Variants in TGFBR3 observed in about 807,000 individuals in gnomAD.
TGFBR3 encodes the protein transforming growth factor beta receptor type 3.
In TGFBR3, 46 loss-of-function variants were observed where a neutral mutation model predicts 87.9. The ratio of observed to expected loss-of-function variants is 0.52; its 90% confidence interval spans 0.41 to 0.67. The LOEUF is 0.67. Among genes scored for constraint, TGFBR3 ranks in the 30% least tolerant of loss-of-function variants. TGFBR3 has a pLI of 0.00. For synonymous variants in TGFBR3, 381 were observed against 391.6 expected, an observed-to-expected ratio of 0.97 and a Z score of 0.32; for missense variants, 866 against 1,041.9, an observed-to-expected ratio of 0.83 and a Z score of 2.32.
chr1:91,738,029 G>T (rs939075901), intron 4 of TGFBR3, among the ~76,000 whole-genome samples: 5 of 152,148 alleles, frequency 3.3e-5, no homozygotes, highest in African/African-American at 1.2e-4. Context: ...TCAGTTGAAG[G>T]CCTGAATAGA....
At chr1:91,790,257 C>T (rs1385408034) in intron 3 of TGFBR3, among the ~76,000 whole-genome samples, 1 of 152,208 alleles carries the variant, frequency 6.6e-6, no homozygotes, top group Non-Finnish European at 1.5e-5. Context: ...AAATTCTTAC[C>T]ATTGTGTTAC....
At chr1:91,758,313 G>C (rs574927056) in intron 4 of TGFBR3, among the ~76,000 whole-genome samples, 4 of 152,164 alleles carry the variant, frequency 2.6e-5, no homozygotes, top group African/African-American at 9.6e-5. Context: ...GATGCCACAA[G>C]GGGGGTTTCA....
intron 3 of TGFBR3, among the ~76,000 whole-genome samples, chr1:91,795,318 T>A (rs1194194074): frequency 2.6e-5 from 4 of 152,230 alleles, no homozygotes; most frequent in African/African-American, 9.6e-5. Flanking sequence ...ATGTTCAGGT[T>A]TTTAAACAAG....
intron 6 of TGFBR3, 37 bp downstream of exon 6, chr1:91,729,768 C>A (rs758181287): frequency 6.2e-7 from 1 of 1,612,770 alleles, no homozygotes; most frequent in Non-Finnish European, 8.5e-7. Context: ...TCTTTACTTT[C>A]ATCTCTTGTC....
chr1:91,860,021 A>C (rs2101186637), intron 2 of TGFBR3, among the ~76,000 whole-genome samples: 1 of 152,204 alleles, frequency 6.6e-6, no homozygotes, highest in South Asian at 2.1e-4. Flanking sequence ...ACACAACCCC[A>C]GATCTGAGTC....
chr1:91,734,411 T>C (rs1672884367), intron 5 of TGFBR3, among the ~76,000 whole-genome samples: 1 of 152,242 alleles, frequency 6.6e-6, no homozygotes, highest in African/African-American at 2.4e-5. Flanking sequence ...CCATTCATTC[T>C]GCCAGCTCTT....
chr1:91,710,857 G>A (rs946858485), intron 13 of TGFBR3, among the ~76,000 whole-genome samples: 2 of 152,094 alleles, frequency 1.3e-5, no homozygotes, highest in Non-Finnish European at 2.9e-5. Flanking sequence ...TCTTACCTTG[G>A]GGGTAAAGGG....
upstream of TGFBR3, among the ~76,000 whole-genome samples, chr1:91,890,436 T>TG (rs1251101561): frequency 2.1e-5 from 3 of 145,482 alleles, no homozygotes; most frequent in African/African-American, 7.7e-5. Context: ...TTTTTTTTTT[T>TG]GAGACACAGT....
intron 14 of TGFBR3, among the ~76,000 whole-genome samples, chr1:91,700,684 C>T (rs561326630): frequency 2.6e-5 from 4 of 152,154 alleles, no homozygotes; most frequent in Non-Finnish European, 4.4e-5. Flanking sequence ...ACACTAATTA[C>T]GCTAACTACA....
chr1:91,838,198 A>G (rs1214575931), intron 2 of TGFBR3, among the ~76,000 whole-genome samples: 1 of 152,174 alleles, frequency 6.6e-6, no homozygotes, highest in African/African-American at 2.4e-5. Flanking sequence ...AAAAAAAGCA[A>G]TTCTGAAACT....
At chr1:91,857,567 G>A (rs1678007484) in intron 2 of TGFBR3, among the ~76,000 whole-genome samples, 1 of 152,104 alleles carries the variant, frequency 6.6e-6, no homozygotes. Flanking sequence ...GGTTTTACTT[G>A]GCTTTCACTA....
intron 2 of TGFBR3, among the ~76,000 whole-genome samples, chr1:91,894,587 G>A (rs1000158791): frequency 6.6e-6 from 1 of 152,204 alleles, no homozygotes; most frequent in African/African-American, 2.4e-5. Flanking sequence ...CTTAGTTTAC[G>A]CAAGAGATTA....
chr1:91,882,017 C>T (rs966604737), intron 1 of TGFBR3, among the ~76,000 whole-genome samples: 4 of 146,606 alleles, frequency 2.7e-5, no homozygotes, highest in Non-Finnish European at 6.0e-5. Flanking sequence ...CCAGCCTGGA[C>T]GACAGAGCGA....
intron 2 of TGFBR3, among the ~76,000 whole-genome samples, chr1:91,811,534 C>T (rs1487798994): frequency 1.3e-5 from 2 of 151,938 alleles, no homozygotes; most frequent in Non-Finnish European, 1.5e-5. Context: ...TGATATATGC[C>T]ATGACATATA....
intron 4 of TGFBR3, among the ~76,000 whole-genome samples, chr1:91,739,323 C>T (rs768004907): frequency 1.0e-3 from 157 of 152,158 alleles, no homozygotes; most frequent in Middle Eastern, 3.4e-3. Flanking sequence ...GGTACCTAAC[C>T]CCCCAAGGTC....
intron 1 of TGFBR3, among the ~76,000 whole-genome samples, chr1:91,874,863 G>A (rs2101255597): frequency 6.6e-6 from 1 of 152,254 alleles, no homozygotes; most frequent in African/African-American, 2.4e-5. Flanking sequence ...GCTATTGGGT[G>A]GGAACTAGGC....
In TGFBR3 at chr1:91,701,728, A is replaced by G. The variant is rs530184592; in HGVS notation, c.2288-3598T>C. ...TTTGGTACTAGGCACCATAGGACGG[A>G]GTGGGCCCACAGTGAAACAAGACGT... On this transcript the variant is annotated intron_variant, in intron 14 of 16. Coordinates refer to ENST00000212355, the MANE Select transcript of TGFBR3 (RefSeq NM_003243.5). Among the ~76,000 whole-genome samples, 46 of 152,228 alleles carry G rather than the reference A, an allele frequency of 3.0e-4. No homozygotes were observed. The South Asian group carries it at 9.6e-3, about 32-fold the overall frequency.
chr1:91,746,284 T>A (rs1309614133), intron 4 of TGFBR3, among the ~76,000 whole-genome samples: 3 of 152,142 alleles, frequency 2.0e-5, no homozygotes, highest in African/African-American at 7.2e-5. Context: ...TGTCTTTCCA[T>A]CTAAAAAACA....
intron 1 of TGFBR3, among the ~76,000 whole-genome samples, chr1:91,882,274 T>A (rs2101292982): frequency 6.6e-6 from 1 of 151,188 alleles, no homozygotes; most frequent in South Asian, 2.1e-4. Flanking sequence ...GTAGCTGTGA[T>A]TACAGGTGTG....
Sources: gnomAD v4.1 joint callset for allele counts (sites outside exome capture counted in the v4.1 genomes callset) on GRCh38, gnomAD v4.1.1 for gene constraint, MANE v1.5 for transcripts, NCBI Gene and HGNC (gene_info 2026-07-23, HGNC 2026-07-21) for gene names.